DGKB: variants seen among roughly 807,000 people sequenced by gnomAD.
DGKB encodes 90 kDa diacylglycerol kinase.
Under a neutral mutation model 114.3 loss-of-function variants are expected in DGKB, and 67 were observed. The ratio of observed to expected loss-of-function variants is 0.59; its 90% CI spans 0.48 to 0.72. DGKB has a LOEUF of 0.72. DGKB is among the 30% of genes least tolerant of loss of function. The pLI is 0.00. For synonymous variants in DGKB, 398 were observed against 323.1 expected (o/e 1.23, Z -2.49); for missense variants, 907 against 975.2 (o/e 0.93, Z 0.93).
At chr7:14,244,296 G>C (rs1304074879) in intron 23 of DGKB, among the ~76,000 whole-genome samples, 2 of 152,102 alleles carry the variant, frequency 1.3e-5, no homozygotes, top group Non-Finnish European at 2.9e-5. Flanking sequence ...CAATGACACT[G>C]TTATAGACTG....
intron 20 of DGKB, among the ~76,000 whole-genome samples, chr7:14,559,251 C>A (rs1432103941): frequency 6.6e-6 from 1 of 152,146 alleles, no homozygotes; most frequent in African/African-American, 2.4e-5. Flanking sequence ...TTTTTCCTTG[C>A]AGTTTTATCA....
intron 21 of DGKB, among the ~76,000 whole-genome samples, chr7:14,390,182 A>G (rs1424854781): frequency 1.3e-5 from 2 of 152,176 alleles, no homozygotes. Context: ...AGAGTCTCTC[A>G]TTATTCCTAC....
chr7:14,901,931 C>T (rs4721386), intron 1 of DGKB, among the ~76,000 whole-genome samples: 73,854 of 151,838 alleles, frequency 0.49, 20,123 homozygotes, highest in Non-Finnish European at 0.6. Context: ...ATGTAAAAAT[C>T]GCCACTTTAA....
At chr7:14,437,447 G>A (rs533418901) in intron 21 of DGKB, among the ~76,000 whole-genome samples, 1 of 151,998 alleles carries the variant, frequency 6.6e-6, no homozygotes, top group Non-Finnish European at 1.5e-5. Flanking sequence ...CACAAATTGA[G>A]GAGCAGTACT....
At chr7:14,185,971 G>C (rs1267478131) in intron 23 of DGKB, among the ~76,000 whole-genome samples, 1 of 152,208 alleles carries the variant, frequency 6.6e-6, no homozygotes, top group Non-Finnish European at 1.5e-5. Flanking sequence ...AGGATTTCAT[G>C]ACCAAGAACC....
intron 1 of DGKB, among the ~76,000 whole-genome samples, chr7:14,925,630 C>T (rs985641632): frequency 6.6e-6 from 1 of 152,028 alleles, no homozygotes; most frequent in Non-Finnish European, 1.5e-5. Flanking sequence ...GAGATTTGTA[C>T]CTGAATATTT....
intron 25 of DGKB, among the ~76,000 whole-genome samples, chr7:14,169,237 C>CAT (rs1780462264): frequency 6.6e-6 from 1 of 150,398 alleles, no homozygotes; most frequent in Non-Finnish European, 1.5e-5. Flanking sequence ...TGGTGGCGGG[C>CAT]GCCTGTAGTC....
At chr7:14,649,359 G>T (rs1300005575) in intron 13 of DGKB, among the ~76,000 whole-genome samples, 1 of 151,106 alleles carries the variant, frequency 6.6e-6, no homozygotes, top group Admixed American at 6.6e-5. Context: ...TTAAAGAAAA[G>T]AATTTTCAAC....
Position 14,450,344 on chromosome 7 carries a change from G to A in DGKB, c.1835+27817C>T, listed in dbSNP as rs142576754. Reference sequence around the variant, plus strand: ...GTTAGGCCTTGCTAAATGATAAAGCGTTTTTCTTTGTATTTCCACAGCAGA... The same window carrying A: ...GTTAGGCCTTGCTAAATGATAAAGCATTTTTCTTTGTATTTCCACAGCAGA... On this transcript the variant is annotated intron_variant, in intron 21 of 25. Transcript: ENST00000402815. 6.7e-3 allele frequency among the ~76,000 whole-genome samples: 1,013 copies of A among 152,182 alleles called. 15 individuals are homozygous for A. Among genetic ancestry groups the A allele is most frequent in the African/African-American group, 0.023 (961 of 41,532 alleles).
At chr7:14,601,385 A>G (rs1363007304) in intron 17 of DGKB, among the ~76,000 whole-genome samples, 1 of 144,184 alleles carries the variant, frequency 6.9e-6, no homozygotes, top group African/African-American at 2.9e-5. Flanking sequence ...AAACGTTTTC[A>G]GGGCCACTCT....
intron 17 of DGKB, among the ~76,000 whole-genome samples, chr7:14,589,042 T>G (rs961937184): frequency 2.0e-5 from 3 of 152,102 alleles, no homozygotes; most frequent in African/African-American, 7.2e-5. Context: ...ATTGCTCGAT[T>G]TATTTACATA....
chr7:14,159,222 A>C (rs1783493381), intron 25 of DGKB, among the ~76,000 whole-genome samples: 1 of 152,166 alleles, frequency 6.6e-6, no homozygotes, highest in East Asian at 1.9e-4. Context: ...CTTCCTTCTG[A>C]ACCCTGTACA....
intron 21 of DGKB, among the ~76,000 whole-genome samples, chr7:14,475,598 C>T (rs1438531066): frequency 6.6e-6 from 1 of 152,032 alleles, no homozygotes; most frequent in Non-Finnish European, 1.5e-5. Flanking sequence ...GCAATAGAAA[C>T]CTGTGACTTT....
chr7:14,793,837 T>G (rs565346034), intron 2 of DGKB, among the ~76,000 whole-genome samples: 6 of 152,262 alleles, frequency 3.9e-5, no homozygotes, highest in African/African-American at 1.2e-4. Context: ...CATCTAAATC[T>G]GTGGACTCAA....
At chr7:14,760,450 G>C (rs1835521869) in intron 2 of DGKB, among the ~76,000 whole-genome samples, 1 of 152,002 alleles carries the variant, frequency 6.6e-6, no homozygotes, top group South Asian at 2.1e-4. Context: ...ACACTGCAGA[G>C]AGAGACCAAA....
intron 20 of DGKB, among the ~76,000 whole-genome samples, chr7:14,529,482 C>T (rs570086259): frequency 6.6e-6 from 1 of 151,556 alleles, no homozygotes; most frequent in African/African-American, 2.4e-5. Context: ...ATGTTGATTC[C>T]ATCATGAAGT....
intron 2 of DGKB, among the ~76,000 whole-genome samples, chr7:14,830,940 T>TAC (rs1846330534): frequency 6.6e-6 from 1 of 151,692 alleles, no homozygotes; most frequent in African/African-American, 2.4e-5. Context: ...TGTGTGCATG[T>TAC]ATGTGTGTGA....
At chr7:14,905,883 G>A (rs766687303), upstream of DGKB, among the ~76,000 whole-genome samples, 1 of 152,102 alleles carries the variant, frequency 6.6e-6, no homozygotes, top group Admixed American at 6.5e-5. Flanking sequence ...TAAGTGAGCT[G>A]GAAATAAGGG....
At chr7:14,331,423 A>G (rs1457347215) in intron 23 of DGKB, among the ~76,000 whole-genome samples, 2 of 151,996 alleles carry the variant, frequency 1.3e-5, no homozygotes, top group Non-Finnish European at 1.5e-5. Context: ...TACATCATCT[A>G]CAGTTCTAAA....
Sources: gnomAD v4.1 joint callset for allele counts (sites outside exome capture counted in the v4.1 genomes callset) on GRCh38, gnomAD v4.1.1 for gene constraint, MANE v1.5 for transcripts, NCBI Gene and HGNC (gene_info 2026-07-23, HGNC 2026-07-21) for gene names.